DCAF1: variants seen among roughly 807,000 people sequenced by gnomAD.
The protein encoded by DCAF1 is DDB1 and CUL4 associated factor 1.
In DCAF1, 15 loss-of-function variants were observed where a neutral mutation model predicts 128.0. The ratio of observed to expected loss-of-function variants is 0.12; its 90% CI spans 0.08 to 0.18. The LOEUF (loss-of-function observed/expected upper bound fraction) is 0.18. DCAF1 is among the 10% of genes least tolerant of loss of function. The pLI, the probability that DCAF1 is intolerant of heterozygous loss-of-function variation, is 1.00. For synonymous variants in DCAF1, 610 were observed against 603.0 expected, an observed-to-expected ratio of 1.01 and a Z score of -0.17; for missense variants, 988 against 1,649.5, an observed-to-expected ratio of 0.60 and a Z score of 6.95.
At chr3:51,443,214 T>C (rs2107711444) in intron 7 of DCAF1, among the ~76,000 whole-genome samples, 1 of 152,304 alleles carries the variant, frequency 6.6e-6, no homozygotes, top group South Asian at 2.1e-4. Context: ...AAAATTTTCA[T>C]AACACAAATG....
Position 51,412,885 on chromosome 3 carries a change from G to A in DCAF1, c.4110+108C>T, listed in dbSNP as rs1698556821. The A allele has an allele frequency of 2.7e-6, 4 of 1,481,676 alleles. No individual in the cohort carries two copies. In the South Asian group the frequency reaches 3.9e-5, roughly 14 times the overall value. The allele number at this position is 1,481,676 out of a possible 1,614,324, so 91.8% of individuals were successfully genotyped here. On this transcript the variant is annotated intron_variant, in intron 22 of 24. Coordinates refer to ENST00000684031, the MANE Select transcript of DCAF1 (RefSeq NM_001387579.1). The stretch of plus-strand genomic sequence containing the variant: ...TAGGTTATCAATAATCTACCTTCAG[G>A]AATGTATTGACTTTACATCTTATAT...
At chr3:51,464,336 G>A (rs1348421206) in intron 5 of DCAF1, among the ~76,000 whole-genome samples, 3 of 151,874 alleles carry the variant, frequency 2.0e-5, no homozygotes, top group Admixed American at 6.6e-5. Context: ...AATATTAAGC[G>A]ATACTATGTT....
At chr3:51,490,931 A>AAAC in intron 2 of DCAF1, among the ~76,000 whole-genome samples, 1 of 152,134 alleles carries the variant, frequency 6.6e-6, no homozygotes, top group Non-Finnish European at 1.5e-5. Context: ...CTGTCTCAAA[A>AAAC]AACAACAACA....
chr3:51,482,519 C>A (rs1444933259), intron 3 of DCAF1, among the ~76,000 whole-genome samples: 1 of 151,774 alleles, frequency 6.6e-6, no homozygotes, highest in East Asian at 1.9e-4. Context: ...AATCCCAGCA[C>A]TTTGGGAGGC....
chr3:51,441,237 G>C (rs1268065532), intron 8 of DCAF1, 148 bp downstream of exon 8: 6 of 1,197,336 alleles, frequency 5.0e-6, no homozygotes, highest in Non-Finnish European at 7.0e-6. Context: ...TATCAGGAAT[G>C]ACCTGCATAA....
chr3:51,500,976 C>T (rs1379886508), upstream of DCAF1, among the ~76,000 whole-genome samples: 3 of 152,188 alleles, frequency 2.0e-5, no homozygotes, highest in East Asian at 3.9e-4. Context: ...CCACCACACC[C>T]GGCTAATTTT....
At chr3:51,401,747 T>C (rs1162732679) in intron 24 of DCAF1, among the ~76,000 whole-genome samples, 1 of 152,266 alleles carries the variant, frequency 6.6e-6, no homozygotes, top group African/African-American at 2.4e-5. Context: ...GCTGGCCTGC[T>C]GTTTGCTGAC....
At chr3:51,470,197 A>T (rs1000228223) in intron 4 of DCAF1, among the ~76,000 whole-genome samples, 1 of 152,188 alleles carries the variant, frequency 6.6e-6, no homozygotes, top group African/African-American at 2.4e-5. Context: ...CAGTAAAAGG[A>T]TAATTATTTA....
At chr3:51,488,703 T>C (rs1553656587) in intron 2 of DCAF1, among the ~76,000 whole-genome samples, 1 of 151,488 alleles carries the variant, frequency 6.6e-6, no homozygotes, top group Non-Finnish European at 1.5e-5. Flanking sequence ...CTTGGGAGGG[T>C]GAGGCAGGAG....
intron 13 of DCAF1, among the ~76,000 whole-genome samples, chr3:51,422,817 A>T (rs1553632947): frequency 6.6e-6 from 1 of 152,066 alleles, no homozygotes; most frequent in East Asian, 1.9e-4. Flanking sequence ...TAATCCCAAC[A>T]CTTTAGGAGG....
intron 17 of DCAF1, among the ~76,000 whole-genome samples, chr3:51,417,742 A>G (rs1461516562): frequency 1.4e-5 from 2 of 145,096 alleles, no homozygotes; most frequent in Admixed American, 1.4e-4. Context: ...AAAAAGAAAA[A>G]AAAAAGGAAA....
At chr3:51,491,263 G>A (rs750058709) in intron 2 of DCAF1, among the ~76,000 whole-genome samples, 13 of 150,762 alleles carry the variant, frequency 8.6e-5, no homozygotes, top group East Asian at 2.0e-4. Flanking sequence ...CAGGAGAACC[G>A]CTTGAACCTA....
Position 51,467,773 on chromosome 3 carries a change from G to T in DCAF1, c.188-897C>A, listed in dbSNP as rs557140699. 1.4e-4 allele frequency among the ~76,000 whole-genome samples: 22 copies of T among 152,164 alleles called. No homozygotes were observed. In the South Asian group the frequency reaches 3.5e-3, roughly 24 times the overall value. ...TACAGCACTGTTGAATTAAACAAAT[G>T]AGCACTAGATCCAGATGAGCATCAC... is the stretch of plus-strand genomic sequence containing the variant. On this transcript the variant is annotated intron_variant, in intron 4 of 24. Coordinates refer to ENST00000684031, the MANE Select transcript of DCAF1 (RefSeq NM_001387579.1).
chr3:51,411,651 T>C (rs1484941894), intron 23 of DCAF1, among the ~76,000 whole-genome samples: 1 of 152,212 alleles, frequency 6.6e-6, no homozygotes, highest in Non-Finnish European at 1.5e-5. Context: ...CTTACCCTAA[T>C]AATAGACTAT....
intron 3 of DCAF1, among the ~76,000 whole-genome samples, chr3:51,473,500 AAC>A (rs71912528): frequency 2.7e-5 from 4 of 147,094 alleles, no homozygotes; most frequent in Non-Finnish European, 4.5e-5. Flanking sequence ...CAAAAAAAAA[AAC>A]AAAAAACAAA....
At chr3:51,492,125 C>T (rs187853414) in intron 2 of DCAF1, among the ~76,000 whole-genome samples, 59 of 150,590 alleles carry the variant, frequency 3.9e-4, no homozygotes, top group Non-Finnish European at 4.4e-5. Flanking sequence ...CACCACTGCA[C>T]TCTAGCCTGG....
intron 2 of DCAF1, among the ~76,000 whole-genome samples, chr3:51,489,501 A>C (rs1707368447): frequency 1.3e-5 from 2 of 151,780 alleles, no homozygotes; most frequent in Non-Finnish European, 2.9e-5. Flanking sequence ...AAGAAAAAGA[A>C]ATATAGGCTG....
chr3:51,433,433 C>T (rs1700550807), intron 9 of DCAF1, among the ~76,000 whole-genome samples, 169 bp from the exon 10 acceptor site: 1 of 151,906 alleles, frequency 6.6e-6, no homozygotes, highest in East Asian at 1.9e-4. Context: ...ACTAAGATTC[C>T]TTAACATTCC....
chr3:51,416,704 A>C, intron 18 of DCAF1, 83 bp downstream of exon 18: 1 of 1,537,012 alleles, frequency 6.5e-7, no homozygotes, highest in Non-Finnish European at 8.8e-7. Context: ...CAAAGGACTT[A>C]GGTCCTCACA....
Sources: gnomAD v4.1 joint callset for allele counts (sites outside exome capture counted in the v4.1 genomes callset) on GRCh38, gnomAD v4.1.1 for gene constraint, MANE v1.5 for transcripts, NCBI Gene and HGNC (gene_info 2026-07-23, HGNC 2026-07-21) for gene names.